SAR1B: variants seen among roughly 807,000 people sequenced by gnomAD.
SAR1B encodes the protein small COPII coat GTPase SAR1B.
Under a neutral mutation model 26.8 loss-of-function variants are expected in SAR1B, and 23 were observed. The observed-to-expected ratio is 0.86, with a 90% CI of 0.62 to 1.22. The LOEUF (loss-of-function observed/expected upper bound fraction) is 1.22. SAR1B is among the 50% of genes most tolerant of loss of function. The pLI is 0.00. For missense variants in SAR1B, 196 were observed against 232.8 expected (o/e 0.84, Z 1.03); for synonymous variants, 65 against 80.8 (o/e 0.80, Z 1.05).
chr5:134,625,570 G>T (rs576104934), intron 1 of SAR1B, among the ~76,000 whole-genome samples: 6 of 152,300 alleles, frequency 3.9e-5, no homozygotes, highest in Middle Eastern at 3.4e-3. Context: ...ACAGAAAAGG[G>T]TGAGAGAGGT....
At chr5:134,609,764 G>A (rs1168627379) in intron 4 of SAR1B, 90 bp from the exon 5 acceptor site, 1 of 948,394 alleles carries the variant, frequency 1.1e-6, no homozygotes, top group Non-Finnish European at 1.7e-6. Flanking sequence ...ATCAAGTGCG[G>A]TAATCCCTTA....
chr5:134,627,167 T>G (rs1183064308), intron 1 of SAR1B, among the ~76,000 whole-genome samples: 1 of 151,914 alleles, frequency 6.6e-6, no homozygotes, highest in African/African-American at 2.4e-5. Flanking sequence ...TTCTCCTGCC[T>G]CAGCCTCCCG....
intron 1 of SAR1B, among the ~76,000 whole-genome samples, chr5:134,631,227 G>A (rs1765600239): frequency 6.6e-6 from 1 of 152,060 alleles, no homozygotes; most frequent in African/African-American, 2.4e-5. Context: ...TATTTAAACT[G>A]CTAATCTTTG....
In SAR1B at chr5:134,614,160, G is replaced by A. The variant is rs373857117; in HGVS notation, c.179-1404C>T. 3.7e-4 allele frequency: 56 copies of A among 151,774 alleles called. 1 individual carries two copies. Among genetic ancestry groups the A allele is most frequent in the African/African-American group, 1.1e-3 (47 of 41,402 alleles). The allele number at this position is 151,774 out of a possible 1,614,324, so 9.4% of individuals were successfully genotyped here. A position where few individuals can be genotyped will look rare whatever the true frequency, so the allele number is the denominator to read the frequency against. ...GTCTCTATTAAAAAAAAGAAAGAAA[G>A]AAAAAAAAGAAATTTTCATTTCAAA... is the stretch of plus-strand genomic sequence containing the variant. On this transcript the variant is annotated intron_variant, in intron 3 of 6. Transcript: ENST00000402673.
Position 134,601,906 on chromosome 5 carries a change from T to C in SAR1B, c.*5044A>G, listed in dbSNP as rs1288519047. ...TAACAATACAAATATTAGCCAGCTG[T>C]GGTGGCGCACGCCTGTAATCCAAGC... is the stretch of plus-strand genomic sequence containing the variant. On this transcript the variant is annotated 3_prime_UTR_variant, in exon 7 of 7. Coordinates refer to ENST00000402673, the MANE Select transcript of SAR1B (RefSeq NM_016103.4). The C allele has an allele frequency of 1.3e-5, 2 of 152,164 alleles. No individual in the cohort carries two copies. Among genetic ancestry groups the C allele is most frequent in the African/African-American group, 4.8e-5 (2 of 41,426 alleles). 9.4% of individuals were successfully genotyped at this position (152,164 alleles called of 1,614,324 possible).
chr5:134,617,397 TC>T (rs1284418221), intron 3 of SAR1B, among the ~76,000 whole-genome samples: 1 of 152,188 alleles, frequency 6.6e-6, no homozygotes, highest in African/African-American at 2.4e-5. Context: ...TGCTTTTTTT[TC>T]CTTTTCAAAA....
chr5:134,605,278 T>C lies in SAR1B; in HGVS notation c.*1672A>G, dbSNP rs1765107247. The C allele has an allele frequency of 6.6e-6, 1 of 152,206 alleles. No individual in the cohort carries two copies. Among genetic ancestry groups the C allele is most frequent in the Non-Finnish European group, 1.5e-5 (1 of 68,044 alleles). The allele number at this position is 152,206 out of a possible 1,614,324, so 9.4% of individuals were successfully genotyped here. On this transcript the variant is annotated 3_prime_UTR_variant, in exon 7 of 7. Coordinates refer to ENST00000402673, the MANE Select transcript of SAR1B (RefSeq NM_016103.4). ...ATTATTCTTGATGGAATTGGTTAAA[T>C]ATACTATAAAACTTGGCTTATAATC... is the stretch of plus-strand genomic sequence containing the variant.
chr5:134,602,574 G>A lies in SAR1B; in HGVS notation c.*4376C>T, dbSNP rs1049984630. On this transcript the variant is annotated 3_prime_UTR_variant, in exon 7 of 7. Coordinates refer to ENST00000402673, the MANE Select transcript of SAR1B (RefSeq NM_016103.4). ...AAGAAGGATAATAATGGAAATGACC[G>A]GAAGCTTCAACATGTAGTTTTAGGC... 4 of 152,112 alleles carry A rather than the reference G, an allele frequency of 2.6e-5. No individual in the cohort carries two copies. Among genetic ancestry groups the A allele is most frequent in the Non-Finnish European group, 5.9e-5 (4 of 68,022 alleles). The allele number at this position is 152,112 out of a possible 1,614,324, so 9.4% of individuals were successfully genotyped here.
chr5:134,618,501 G>A (rs967620760), intron 3 of SAR1B, among the ~76,000 whole-genome samples: 3 of 151,868 alleles, frequency 2.0e-5, no homozygotes, highest in African/African-American at 7.3e-5. Context: ...CATTATTAAG[G>A]CTACACTTAC....
intron 3 of SAR1B, among the ~76,000 whole-genome samples, chr5:134,616,424 C>CGA (rs1339811927): frequency 7.1e-6 from 1 of 141,118 alleles, no homozygotes; most frequent in Non-Finnish European, 1.5e-5. Flanking sequence ...GGGACAAGAG[C>CGA]GAGACTTTGT....
intron 2 of SAR1B, among the ~76,000 whole-genome samples, chr5:134,622,542 C>G (rs188958076): frequency 2.6e-5 from 4 of 151,280 alleles, no homozygotes; most frequent in African/African-American, 7.3e-5. Flanking sequence ...TCCCAAGTAG[C>G]TGGGACTACA....
In SAR1B at chr5:134,605,015, G is replaced by A. The variant is rs1765104524; in HGVS notation, c.*1935C>T. The A allele has an allele frequency of 6.6e-6, 1 of 152,220 alleles. No individual in the cohort carries two copies. The highest frequency in any genetic ancestry group is 1.5e-5 in the Non-Finnish European group (1 of 68,038). The allele number at this position is 152,220 out of a possible 1,614,324, so 9.4% of individuals were successfully genotyped here. ...ATAGTGTTACTGAGGTTTCCAGGAA[G>A]GGAGGGAGCACTTTTGTTTTCATTT... On this transcript the variant is annotated 3_prime_UTR_variant, in exon 7 of 7. Coordinates refer to ENST00000402673, the MANE Select transcript of SAR1B (RefSeq NM_016103.4).
intron 1 of SAR1B, among the ~76,000 whole-genome samples, chr5:134,626,222 C>A (rs527486528): frequency 1.4e-5 from 2 of 143,162 alleles, no homozygotes; most frequent in South Asian, 2.2e-4. Context: ...TCACTTGAAC[C>A]CAGGAGGCAG....
intron 2 of SAR1B, among the ~76,000 whole-genome samples, chr5:134,622,939 C>T (rs186988068): frequency 8.8e-4 from 131 of 149,088 alleles, no homozygotes; most frequent in African/African-American, 2.9e-3. Flanking sequence ...TTGGCCAACA[C>T]GGTGAAACCC....
chr5:134,619,026 AT>A (rs1442348568), intron 3 of SAR1B, among the ~76,000 whole-genome samples: 1 of 145,480 alleles, frequency 6.9e-6, no homozygotes, highest in Non-Finnish European at 1.5e-5. Flanking sequence ...AATTAGAGTC[AT>A]TATTAAAAAA....
chr5:134,614,861 T>C (rs1219290161), intron 3 of SAR1B: 1 of 152,272 alleles, frequency 6.6e-6, no homozygotes, highest in Non-Finnish European at 1.5e-5. Flanking sequence ...CTCTCAGGAA[T>C]CACAGTCCTG....
At chr5:134,609,716 A>C (rs772971675) in intron 4 of SAR1B, 42 bp from the exon 5 acceptor site, 1 of 1,508,522 alleles carries the variant, frequency 6.6e-7, no homozygotes, top group Non-Finnish European at 9.2e-7. Flanking sequence ...TTGTTGGTCA[A>C]ACCCAGCAGA....
At chr5:134,619,343 AC>A (rs1431900895) in intron 3 of SAR1B, among the ~76,000 whole-genome samples, 1 of 147,076 alleles carries the variant, frequency 6.8e-6, no homozygotes, top group Non-Finnish European at 1.5e-5. Flanking sequence ...AAAAAAAAAA[AC>A]TTTCAATTTT....
chr5:134,623,504 TA>T (rs62986962), intron 2 of SAR1B, among the ~76,000 whole-genome samples: 31 of 137,868 alleles, frequency 2.2e-4, no homozygotes, highest in South Asian at 1.1e-3. Context: ...TCTATAAAAT[TA>T]AAAAAAAAAA....
Sources: gnomAD v4.1 joint callset for allele counts (sites outside exome capture counted in the v4.1 genomes callset) on GRCh38, gnomAD v4.1.1 for gene constraint, MANE v1.5 for transcripts, NCBI Gene and HGNC (gene_info 2026-07-23, HGNC 2026-07-21) for gene names.